ZNRF3: variants seen among roughly 807,000 people sequenced by gnomAD.
ZNRF3 encodes the protein zinc and ring finger 3.
A neutral mutation model predicts 72.5 loss-of-function variants in ZNRF3; 23 were observed. That is an observed-to-expected ratio of 0.32 (90% CI 0.23 to 0.45). The LOEUF is 0.45. Ranked by LOEUF, ZNRF3 falls within the 20% of genes least tolerant of loss-of-function variation. The pLI, the probability that ZNRF3 is intolerant of heterozygous loss-of-function variation, is 1.00. For missense variants in ZNRF3, 1,169 were observed against 1,272.1 expected (o/e 0.92, Z 1.23); for synonymous variants, 610 against 545.3 (o/e 1.12, Z -1.65).
intron 1 of ZNRF3, among the ~76,000 whole-genome samples, chr22:28,951,767 T>A (rs73882412): frequency 0.017 from 2,626 of 152,296 alleles, 84 homozygotes; most frequent in African/African-American, 0.06. Context: ...CCTGTGCGCC[T>A]GCCATGTAAG....
At chr22:28,945,824 G>A (rs868239171) in intron 1 of ZNRF3, among the ~76,000 whole-genome samples, 3 of 151,920 alleles carry the variant, frequency 2.0e-5, no homozygotes, top group South Asian at 4.2e-4. Context: ...CACTGTGCCC[G>A]GCCCCATCTC....
At chr22:28,975,562 C>G (rs1180596323) in intron 1 of ZNRF3, among the ~76,000 whole-genome samples, 1 of 143,998 alleles carries the variant, frequency 6.9e-6, no homozygotes, top group Non-Finnish European at 1.5e-5. Context: ...CATGATGAAA[C>G]CTCGTCTCTA....
chr22:28,884,769 G>A (rs1422959703), intron 1 of ZNRF3, among the ~76,000 whole-genome samples: 1 of 152,218 alleles, frequency 6.6e-6, no homozygotes, highest in African/African-American at 2.4e-5. Context: ...TGCAAATGGG[G>A]AGATGGCGTA....
At chr22:28,933,528 A>G (rs1283073112) in intron 1 of ZNRF3, among the ~76,000 whole-genome samples, 1 of 152,152 alleles carries the variant, frequency 6.6e-6, no homozygotes, top group East Asian at 1.9e-4. Flanking sequence ...TGTTATCAAC[A>G]ATTACTTGGA....
chr22:28,934,839 G>GT (rs2034791346), intron 1 of ZNRF3, among the ~76,000 whole-genome samples: 1 of 145,804 alleles, frequency 6.9e-6, no homozygotes, highest in Non-Finnish European at 1.5e-5. Flanking sequence ...AAAAAAAAAA[G>GT]TATATTGATT....
chr22:28,895,768 G>A (rs905049416), intron 1 of ZNRF3, among the ~76,000 whole-genome samples: 1 of 152,126 alleles, frequency 6.6e-6, no homozygotes, highest in Non-Finnish European at 1.5e-5. Flanking sequence ...TTAGAACTCA[G>A]AACTTGGGGT....
chr22:29,041,128 C>T (rs1379077789), intron 2 of ZNRF3, among the ~76,000 whole-genome samples: 1 of 152,076 alleles, frequency 6.6e-6, no homozygotes, highest in Non-Finnish European at 1.5e-5. Context: ...TCCTAAAAGC[C>T]AGGACATGCA....
chr22:29,051,819 C>T (rs889143333), intron 8 of ZNRF3, among the ~76,000 whole-genome samples: 1 of 150,144 alleles, frequency 6.7e-6, no homozygotes, highest in Admixed American at 6.6e-5. Flanking sequence ...GCAGGAGAAT[C>T]GCCTGAACCT....
intron 1 of ZNRF3, among the ~76,000 whole-genome samples, chr22:28,984,106 A>T (rs2035812775): frequency 6.6e-6 from 1 of 150,852 alleles, no homozygotes; most frequent in African/African-American, 2.4e-5. Context: ...GTAAGCTCTT[A>T]GGACAGTTGC....
chr22:28,901,324 C>T (rs1234758504), intron 1 of ZNRF3, among the ~76,000 whole-genome samples: 1 of 152,112 alleles, frequency 6.6e-6, no homozygotes, highest in East Asian at 1.9e-4. Context: ...AAGGCCAACG[C>T]CCAGAAGGCA....
At chr22:28,898,917 C>G (rs925812513) in intron 1 of ZNRF3, among the ~76,000 whole-genome samples, 1 of 141,684 alleles carries the variant, frequency 7.1e-6, no homozygotes, top group East Asian at 2.1e-4. Context: ...TATAAGTTGA[C>G]ATGCTGAGGT....
Position 29,049,577 on chromosome 22 carries a change from G to T in ZNRF3, c.1396G>T (p.Glu466Ter). 6.2e-7 allele frequency: 1 copy of T among 1,607,054 alleles called. No homozygotes were observed. Among genetic ancestry groups the T allele is most frequent in the Non-Finnish European group, 8.5e-7 (1 of 1,178,004 alleles). Residue 466 changes from glutamate (E) to a stop codon, truncating the protein, a stop_gained, in exon 8 of 9, where the codon GAG (glutamate) becomes TAG (stop). Coordinates refer to ENST00000544604, the MANE Select transcript of ZNRF3 (RefSeq NM_001206998.2). LOFTEE classifies it high-confidence loss of function. The surrounding 1 kb of genome is among the most constrained non-coding windows in gnomAD (Gnocchi z 5.2). ...FSKAACFSQYETMYQHYYFQG... is the reference protein window; with the variant it reads ...FSKAACFSQY Reference sequence around the variant, plus strand: ...CAAGGCAGCTTGCTTCTCCCAGTATGAGACCATGTACCAGCACTACTACTT... The same window carrying T: ...CAAGGCAGCTTGCTTCTCCCAGTATTAGACCATGTACCAGCACTACTACTT...
chr22:29,042,502 G>A lies in ZNRF3; in HGVS notation c.434G>A (p.Arg145Gln), dbSNP rs376766629. ...PCLTVLGKAKRAVQRGATAVI... is the reference protein window; with the variant it reads ...PCLTVLGKAKQAVQRGATAVI... Reference sequence around the variant, plus strand: ...TTTTTTTAACTCTGGCAGGCCAAGCGAGCAGTACAGCGGGGAGCTACTGCA... The same window carrying A: ...TTTTTTTAACTCTGGCAGGCCAAGCAAGCAGTACAGCGGGGAGCTACTGCA... The change falls in exon 3 of 9, where the codon CGA becomes CAA. Residue 145 changes from arginine to glutamine, a missense_variant. Around this residue, in one of 2 missense-constraint regions of ZNRF3, gnomAD observed 386 missense variants for 540.7 expected, o/e 0.71. Transcript: ENST00000544604. 3.1e-6 allele frequency: 5 copies of A among 1,613,570 alleles called. No individual in the cohort carries two copies. Among genetic ancestry groups the A allele is most frequent in the Non-Finnish European group, 4.2e-6 (5 of 1,179,954 alleles).
chr22:29,035,228 T>C (rs1475939468), intron 2 of ZNRF3, among the ~76,000 whole-genome samples: 1 of 152,134 alleles, frequency 6.6e-6, no homozygotes, highest in East Asian at 1.9e-4. Context: ...TCCAAGGGTA[T>C]GCCTGGCACC....
chr22:29,024,817 T>A (rs903992002), intron 2 of ZNRF3, among the ~76,000 whole-genome samples: 2 of 152,028 alleles, frequency 1.3e-5, no homozygotes, highest in African/African-American at 4.8e-5. Context: ...CCCAAAAATG[T>A]CAGTAAACCA....
chr22:28,974,118 C>T (rs1429656202), intron 1 of ZNRF3, among the ~76,000 whole-genome samples: 2 of 151,990 alleles, frequency 1.3e-5, no homozygotes, highest in South Asian at 2.1e-4. Context: ...CCATCATGCC[C>T]GGCTAATTTT....
At position 29,017,817 on chromosome 22, in the gene ZNRF3, T is replaced by C. The variant is rs543403281; in HGVS notation, c.427-24678T>C. Reference sequence around the variant, plus strand: ...CCAGGATGAGTGCAGAAAAGACTCATAAGAGGAGCTCACATAGAGGCTACG... The same window carrying C: ...CCAGGATGAGTGCAGAAAAGACTCACAAGAGGAGCTCACATAGAGGCTACG... On this transcript the variant is annotated intron_variant, in intron 2 of 8. Coordinates refer to ENST00000544604, the MANE Select transcript of ZNRF3 (RefSeq NM_001206998.2). Among the ~76,000 whole-genome samples, 3 of 152,110 alleles carry C rather than the reference T, an allele frequency of 2.0e-5. No individual in the cohort carries two copies. In the East Asian group the frequency reaches 5.8e-4, roughly 29 times the overall value.
At chr22:28,980,227 A>AG (rs530293818) in intron 1 of ZNRF3, among the ~76,000 whole-genome samples, 59 of 141,170 alleles carry the variant, frequency 4.2e-4, no homozygotes, top group Non-Finnish European at 2.3e-4. Context: ...GGGTGGGTGG[A>AG]GGGGGGGAAG....
chr22:29,056,192 C>T lies in ZNRF3; in HGVS notation c.*2570C>T, dbSNP rs961661443. 1.3e-5 allele frequency: 2 copies of T among 151,844 alleles called. No individual in the cohort carries two copies. The highest frequency in any genetic ancestry group is 2.9e-5 in the Non-Finnish European group (2 of 68,026). 9.4% of individuals were successfully genotyped at this position (151,844 alleles called of 1,614,324 possible). A position where few individuals can be genotyped will look rare whatever the true frequency, so the allele number is the denominator to read the frequency against. ...TCTCACCTCACTGCAACCTCTGCCT[C>T]CCGGGTCCAAGTGATTCTCCTGCCT... On this transcript the variant is annotated 3_prime_UTR_variant, in exon 9 of 9. Coordinates refer to ENST00000544604, the MANE Select transcript of ZNRF3 (RefSeq NM_001206998.2).
Sources: gnomAD v4.1 joint callset for allele counts (sites outside exome capture counted in the v4.1 genomes callset) on GRCh38, gnomAD v4.1.1 for gene constraint, gnomAD v4.1.1 regional missense constraint, Gnocchi (gnomAD v3.1) non-coding constraint, MANE v1.5 for transcripts, NCBI Gene and HGNC (gene_info 2026-07-23, HGNC 2026-07-21) for gene names.